Variants in CLEC16A observed in about 807,000 individuals in gnomAD.
CLEC16A encodes protein CLEC16A.
Under a neutral mutation model 109.5 loss-of-function variants are expected in CLEC16A, and 51 were observed. That is an observed-to-expected ratio of 0.47 (90% CI 0.37 to 0.59). The LOEUF is 0.59. Ranked by LOEUF, CLEC16A falls within the 20% of genes least tolerant of loss-of-function variation. The pLI, the probability that CLEC16A is intolerant of heterozygous loss-of-function variation, is 0.00. For missense variants in CLEC16A, 1,339 were observed against 1,394.0 expected (o/e 0.96, Z 0.63); for synonymous variants, 673 against 564.2 (o/e 1.19, Z -2.73).
intron 1 of CLEC16A, among the ~76,000 whole-genome samples, chr16:10,948,140 T>G (rs12935516): frequency 8.0e-4 from 121 of 152,148 alleles, no homozygotes; most frequent in South Asian, 5.2e-3. Flanking sequence ...TGATCTGCCC[T>G]CCTTGACCTC....
intron 19 of CLEC16A, among the ~76,000 whole-genome samples, chr16:11,103,574 C>A (rs913527485): frequency 1.3e-5 from 2 of 152,040 alleles, no homozygotes; most frequent in Non-Finnish European, 2.9e-5. Context: ...AACAAAACTC[C>A]GTCTCAAAAA....
intron 17 of CLEC16A, among the ~76,000 whole-genome samples, chr16:11,050,197 C>T (rs1179126805): frequency 2.6e-5 from 4 of 152,190 alleles, no homozygotes; most frequent in Non-Finnish European, 4.4e-5. Context: ...ATAACAAAGT[C>T]ACTCTCACCA....
In CLEC16A at chr16:11,126,127, A is replaced by G; in HGVS notation, c.2622A>G (p.Ala874=). 1 of 1,613,602 alleles carries G rather than the reference A, an allele frequency of 6.2e-7. No homozygotes were observed. Among genetic ancestry groups the G allele is most frequent in the Non-Finnish European group, 8.5e-7 (1 of 1,179,834 alleles). The change falls in exon 22 of 24, where the codon GCA becomes GCG. Residue 874 remains alanine, a synonymous_variant. Coordinates refer to ENST00000409790, the MANE Select transcript of CLEC16A (RefSeq NM_015226.3). ...CCACAGTGCAGCGCTCCGTGTTTGC[A>G]TCGGTGGACAAGGTGCCAGGTGAGC... is the stretch of plus-strand genomic sequence containing the variant. ...SDPTVQRSVF[A]SVDKVPGFAV...
intron 10 of CLEC16A, among the ~76,000 whole-genome samples, chr16:10,992,808 G>A (rs1316915601): frequency 1.3e-5 from 2 of 152,102 alleles, no homozygotes; most frequent in East Asian, 1.9e-4. Flanking sequence ...CAGTAAGCCA[G>A]CTCATCCTCA....
intron 12 of CLEC16A, 122 bp downstream of exon 12, chr16:11,020,447 T>C: frequency 7.9e-7 from 1 of 1,261,592 alleles, no homozygotes; most frequent in Non-Finnish European, 1.1e-6. Flanking sequence ...CTGCCTCCCT[T>C]TCTTTCCCTG....
At chr16:11,000,474 C>T (rs987740200) in intron 10 of CLEC16A, among the ~76,000 whole-genome samples, 1 of 152,136 alleles carries the variant, frequency 6.6e-6, no homozygotes, top group Non-Finnish European at 1.5e-5. Context: ...CTCTGAAATT[C>T]ACTAGGAGTT....
chr16:11,066,973 C>A (rs955233934), intron 19 of CLEC16A, among the ~76,000 whole-genome samples: 1 of 151,786 alleles, frequency 6.6e-6, no homozygotes, highest in South Asian at 2.1e-4. Flanking sequence ...GTTTGTTTAC[C>A]GAGTAGTCAT....
At chr16:11,060,663 GT>G (rs1184809532) in intron 18 of CLEC16A, among the ~76,000 whole-genome samples, 1 of 152,146 alleles carries the variant, frequency 6.6e-6, no homozygotes, top group Non-Finnish European at 1.5e-5. Context: ...CTCAGTTCAG[GT>G]AAAGTAACCC....
At position 11,096,653 on chromosome 16, in the gene CLEC16A, G is replaced by T. The variant is rs117131868; in HGVS notation, c.2117-23962G>T. Among the ~76,000 whole-genome samples the T allele has an allele frequency of 4.7e-4, 71 of 152,250 alleles. 1 individual carries two copies. The highest frequency in any genetic ancestry group is 6.0e-4 in the Non-Finnish European group (41 of 68,008). ...TGAGGTCACCCTGTGCACGCTGTTC[G>T]ATAACCTTAATTTTTCACTCCAGGC... is the stretch of plus-strand genomic sequence containing the variant. On this transcript the variant is annotated intron_variant, in intron 19 of 23. Transcript: ENST00000409790.
intron 14 of CLEC16A, chr16:11,040,514 C>CTTTCTTTTTTTTTTTTTT (rs1268318578): frequency 1.1e-4 from 11 of 101,536 alleles, no homozygotes; most frequent in East Asian, 2.6e-4. Context: ...TTTTTCTTTT[C>CTTTCTTTTTTTTTTTTTT]TTTTTTTTTT....
intron 22 of CLEC16A, among the ~76,000 whole-genome samples, chr16:11,151,731 G>C (rs899697820): frequency 6.6e-6 from 1 of 152,224 alleles, no homozygotes; most frequent in African/African-American, 2.4e-5. Context: ...CGACTTCTCT[G>C]ATTTAGTTCA....
Position 10,944,656 on chromosome 16 carries a change from C to T in CLEC16A, c.-62C>T. Reference sequence around the variant, plus strand: ...TCCGCTTGTGCTACCGCCGCGGGCGCTGGGCCGCTCTGCTGGTCCGGCATG... The same window carrying T: ...TCCGCTTGTGCTACCGCCGCGGGCGTTGGGCCGCTCTGCTGGTCCGGCATG... On this transcript the variant is annotated 5_prime_UTR_variant, in exon 1 of 24. Coordinates refer to ENST00000409790, the MANE Select transcript of CLEC16A (RefSeq NM_015226.3). 1.3e-6 allele frequency: 2 copies of T among 1,496,082 alleles called. No individual in the cohort carries two copies. The highest frequency in any genetic ancestry group is 2.4e-5 in the South Asian group (2 of 83,392). The allele number at this position is 1,496,082 out of a possible 1,614,324, so 92.7% of individuals were successfully genotyped here.
chr16:10,947,925 G>C (rs950666773), intron 1 of CLEC16A, among the ~76,000 whole-genome samples: 1 of 151,090 alleles, frequency 6.6e-6, no homozygotes, highest in Non-Finnish European at 1.5e-5. Flanking sequence ...TAAGAGTCTT[G>C]CTCTGTTGCC....
At chr16:11,009,846 A>G (rs960477028) in intron 11 of CLEC16A, among the ~76,000 whole-genome samples, 1 of 152,186 alleles carries the variant, frequency 6.6e-6, no homozygotes, top group African/African-American at 2.4e-5. Flanking sequence ...TTTAGATGGT[A>G]CAGGGAGAGC....
chr16:11,040,291 C>T (rs563777164), intron 14 of CLEC16A: 1 of 173,312 alleles, frequency 5.8e-6, no homozygotes, highest in Non-Finnish European at 1.2e-5. Flanking sequence ...GTTTTGTTAC[C>T]AGCAACAGTT....
rs530700799 is a variant in CLEC16A at position 10,960,238 on chromosome 16, C to T, written c.210-2217C>T. ...TTTTGCCAGTTTTTCATTAATATCTCCTTTCTGTCCTAGCATCCCATCCAT... is the reference window on the plus strand; with the variant it reads ...TTTTGCCAGTTTTTCATTAATATCTTCTTTCTGTCCTAGCATCCCATCCAT... On this transcript the variant is annotated intron_variant, in intron 2 of 23. Transcript: ENST00000409790. Among the ~76,000 whole-genome samples, 25 of 152,266 alleles carry T rather than the reference C, an allele frequency of 1.6e-4. No homozygotes were observed. In the South Asian group the frequency reaches 5.2e-3, roughly 32 times the overall value.
chr16:11,020,766 A>C lies in CLEC16A; in HGVS notation c.1436+441A>C, dbSNP rs1003603. On this transcript the variant is annotated intron_variant, in intron 12 of 23. Transcript: ENST00000409790. ...TAGGGCCTGCCCTCTTGACTTGGCCACATGAGTTGGTGCTGCCATCCACCT... is the reference window on the plus strand; with the variant it reads ...TAGGGCCTGCCCTCTTGACTTGGCCCCATGAGTTGGTGCTGCCATCCACCT... 8.1e-3 allele frequency among the ~76,000 whole-genome samples: 1,232 copies of C among 152,236 alleles called. 22 individuals are homozygous for C. Among genetic ancestry groups the C allele is most frequent in the African/African-American group, 0.028 (1,179 of 41,534 alleles).
At chr16:10,946,844 CA>C (rs1399706955) in intron 1 of CLEC16A, among the ~76,000 whole-genome samples, 1 of 152,212 alleles carries the variant, frequency 6.6e-6, no homozygotes, top group African/African-American at 2.4e-5. Context: ...AACTAAGGTT[CA>C]GGGGGCTTCA....
At chr16:11,077,963 ACGT>A (rs1437262359) in intron 19 of CLEC16A, among the ~76,000 whole-genome samples, 26 of 122,216 alleles carry the variant, frequency 2.1e-4, no homozygotes, top group African/African-American at 7.4e-4. Context: ...ACAAAAAAAA[ACGT>A]GTGTGTGTGT....
Sources: gnomAD v4.1 joint callset for allele counts (sites outside exome capture counted in the v4.1 genomes callset) on GRCh38, gnomAD v4.1.1 for gene constraint, MANE v1.5 for transcripts, NCBI Gene and HGNC (gene_info 2026-07-23, HGNC 2026-07-21) for gene names.